ARHGAP25: variants seen among roughly 807,000 people sequenced by gnomAD.
ARHGAP25 encodes the protein rho GTPase-activating protein 25.
A neutral mutation model predicts 71.0 loss-of-function variants in ARHGAP25; 34 were observed. That is an observed-to-expected ratio of 0.48 (90% CI 0.36 to 0.64). The LOEUF (loss-of-function observed/expected upper bound fraction) is 0.64, where lower values mean the gene tolerates loss of function less well. ARHGAP25 is among the 30% of genes least tolerant of loss of function. The pLI is 0.00. For synonymous variants in ARHGAP25, 282 were observed against 296.5 expected (o/e 0.95, Z 0.50); for missense variants, 706 against 805.1 (o/e 0.88, Z 1.49).
At chr2:68,777,164 G>A (rs1419404460) in intron 2 of ARHGAP25, among the ~76,000 whole-genome samples, 4 of 152,156 alleles carry the variant, frequency 2.6e-5, no homozygotes, top group East Asian at 3.9e-4. Context: ...ATGTTAAGAC[G>A]ATGGAGGAAG....
chr2:68,733,582 G>A (rs1675083103), upstream of ARHGAP25, among the ~76,000 whole-genome samples: 1 of 152,152 alleles, frequency 6.6e-6, no homozygotes, highest in Non-Finnish European at 1.5e-5. Context: ...GGATGGGAGA[G>A]TGTTAACAGC....
intron 2 of ARHGAP25, among the ~76,000 whole-genome samples, chr2:68,722,745 C>A (rs767467577): frequency 1.3e-5 from 2 of 152,184 alleles, no homozygotes; most frequent in African/African-American, 4.8e-5. Flanking sequence ...ATGTCTCACC[C>A]TAGCTCAGGC....
Position 68,782,301 on chromosome 2 carries a change from T to C in ARHGAP25, c.330T>C (p.Phe110=). Residue 110 remains phenylalanine, a synonymous_variant, in exon 3 of 11, where the codon TTT becomes TTC. Transcript: ENST00000409202. ...CAAACCCAGAAGAAGCTGGGAAGTT[T>C]GTCTTTGAAATCATTCCAGGTAGGC... ...IATNPEEAGK[F]VFEIIPASWD... is the part of the protein sequence containing the mutation. The C allele has an allele frequency of 6.2e-7, 1 of 1,614,140 alleles. No homozygotes were observed. Among genetic ancestry groups the C allele is most frequent in the East Asian group, 2.2e-5 (1 of 44,878 alleles).
At position 68,809,310 on chromosome 2, in the gene ARHGAP25, A is replaced by G. The variant is rs77462781; in HGVS notation, c.674+1830A>G. Reference sequence around the variant, plus strand: ...GGGCAGAGCATAGAATGCCGGATGCATAGGGTAGGGAAAGGAGGGGAGGGG... The same window carrying G: ...GGGCAGAGCATAGAATGCCGGATGCGTAGGGTAGGGAAAGGAGGGGAGGGG... On this transcript the variant is annotated intron_variant, in intron 5 of 10. Transcript: ENST00000409202. Among the ~76,000 whole-genome samples the G allele has an allele frequency of 3.8e-3, 571 of 152,194 alleles. 3 individuals carry two copies. The highest frequency in any genetic ancestry group is 0.013 in the African/African-American group (548 of 41,522).
chr2:68,782,644 T>TA (rs1678422257), intron 3 of ARHGAP25, among the ~76,000 whole-genome samples: 1 of 152,206 alleles, frequency 6.6e-6, no homozygotes, highest in African/African-American at 2.4e-5. Flanking sequence ...CTCTACTCAC[T>TA]AAAATGAACT....
intron 2 of ARHGAP25, among the ~76,000 whole-genome samples, chr2:68,712,316 T>C (rs989696235): frequency 9.9e-5 from 15 of 152,246 alleles, no homozygotes; most frequent in African/African-American, 3.4e-4. Flanking sequence ...ATGTCTTCTT[T>C]TGATAAGTGT....
intron 6 of ARHGAP25, among the ~76,000 whole-genome samples, chr2:68,815,443 CTTTTTTTTTTTTTTT>C (rs796100406): frequency 1.6e-4 from 10 of 62,332 alleles, no homozygotes; most frequent in Admixed American, 4.5e-4. Flanking sequence ...TGTGTACTCT[CTTTTTTTTTTTTTTT>C]TTTTTTTTTT....
intron 1 of ARHGAP25, among the ~76,000 whole-genome samples, chr2:68,765,458 G>A (rs1677067085): frequency 6.6e-6 from 1 of 151,496 alleles, no homozygotes; most frequent in Non-Finnish European, 1.5e-5. Flanking sequence ...AAACACAACA[G>A]AGAAAATATA....
At chr2:68,737,470 A>G (rs1255998512) in intron 1 of ARHGAP25, among the ~76,000 whole-genome samples, 2 of 152,134 alleles carry the variant, frequency 1.3e-5, no homozygotes, top group Non-Finnish European at 2.9e-5. Flanking sequence ...GTTTAGCAGA[A>G]TCCTTGGCCT....
chr2:68,775,389 A>C lies in ARHGAP25; in HGVS notation c.230A>C (p.Tyr77Ser), dbSNP rs1409474476. Reference protein sequence around the residue: ...YFVLRAQQLYYYKDEEDTKPQ... With the variant: ...YFVLRAQQLYSYKDEEDTKPQ... Reference sequence around the variant, plus strand: ...GTGCTGAGGGCGCAGCAGCTCTACTACTACAAGGATGAAGAGGACACGAAG... The same window carrying C: ...GTGCTGAGGGCGCAGCAGCTCTACTCCTACAAGGATGAAGAGGACACGAAG... Residue 77 changes from tyrosine (Y) to serine (S), a missense_variant, in exon 2 of 11, where the codon TAC becomes TCC. By Grantham distance (144) the Tyr-to-Ser change is moderately radical (BLOSUM62 -2). Coordinates refer to ENST00000409202, the MANE Select transcript of ARHGAP25 (RefSeq NM_001007231.3). The C allele has an allele frequency of 6.2e-7, 1 of 1,614,092 alleles. No individual in the cohort carries two copies. Among genetic ancestry groups the C allele is most frequent in the African/African-American group, 1.3e-5 (1 of 74,926 alleles).
At chr2:68,803,430 G>A (rs1680152900) in intron 4 of ARHGAP25, among the ~76,000 whole-genome samples, 1 of 152,100 alleles carries the variant, frequency 6.6e-6, no homozygotes, top group South Asian at 2.1e-4. Context: ...TGGGTTGAGA[G>A]GCTGAGTAGT....
At chr2:68,803,192 G>A (rs1198293112) in intron 4 of ARHGAP25, among the ~76,000 whole-genome samples, 1 of 152,184 alleles carries the variant, frequency 6.6e-6, no homozygotes, top group Non-Finnish European at 1.5e-5. Flanking sequence ...GGAAGATGGA[G>A]CACAGTCAAA....
intron 5 of ARHGAP25, among the ~76,000 whole-genome samples, chr2:68,809,686 A>C (rs1680636552): frequency 6.6e-6 from 1 of 152,140 alleles, no homozygotes; most frequent in Non-Finnish European, 1.5e-5. Flanking sequence ...AGTGGGTGGA[A>C]GAAGGGGTAT....
chr2:68,722,036 C>T (rs1007568101), intron 2 of ARHGAP25, among the ~76,000 whole-genome samples: 2 of 152,216 alleles, frequency 1.3e-5, no homozygotes, highest in Non-Finnish European at 2.9e-5. Flanking sequence ...GAATTGGTCA[C>T]CACCCTCAGC....
At position 68,813,478 on chromosome 2, in the gene ARHGAP25, C is replaced by G. The variant is rs116209157; in HGVS notation, c.807+59C>G. The G allele has an allele frequency of 8.5e-4, 1,329 of 1,570,834 alleles. 10 individuals carry two copies. In the African/African-American group the frequency reaches 0.016, roughly 19 times the overall value. Reference sequence around the variant, plus strand: ...AAGAAAGTGATTGGTTTTCTGGACACTAATCCAGTAGGCAACAGTGGGTCA... The same window carrying G: ...AAGAAAGTGATTGGTTTTCTGGACAGTAATCCAGTAGGCAACAGTGGGTCA... On this transcript the variant is annotated intron_variant, in intron 6 of 10. Transcript: ENST00000409202.
At chr2:68,798,883 G>A (rs1386469828) in intron 4 of ARHGAP25, among the ~76,000 whole-genome samples, 2 of 152,310 alleles carry the variant, frequency 1.3e-5, no homozygotes, top group South Asian at 4.1e-4. Context: ...TGTTAAGGAT[G>A]TTGGTCTTCA....
rs754226541 is a variant in ARHGAP25 at position 68,787,917 on chromosome 2, G to A, written c.427G>A (p.Val143Ile). Residue 143 changes from valine to isoleucine, a missense_variant, in exon 4 of 11, where the codon GTT becomes ATT. By Grantham distance (29) the Val-to-Ile change is conservative (BLOSUM62 3). Coordinates refer to ENST00000409202, the MANE Select transcript of ARHGAP25 (RefSeq NM_001007231.3). The stretch of plus-strand genomic sequence containing the variant: ...CTCTCAGGCGGAGATGGAGGAGTGG[G>A]TTAAATTCCTCAGGAGAGTTGCTGG... ...ASSQAEMEEWVKFLRRVAGTP... is the reference protein window; with the variant it reads ...ASSQAEMEEWIKFLRRVAGTP... 1.9e-6 allele frequency: 3 copies of A among 1,614,222 alleles called. No homozygotes were observed. Among genetic ancestry groups the A allele is most frequent in the Non-Finnish European group, 2.5e-6 (3 of 1,180,026 alleles).
At position 68,826,720 on chromosome 2, in the gene ARHGAP25, C is replaced by T. The variant is rs967459427; in HGVS notation, c.*526C>T. 11 of 185,706 alleles carry T rather than the reference C, an allele frequency of 5.9e-5. No individual in the cohort carries two copies. The highest frequency in any genetic ancestry group is 2.6e-4 in the African/African-American group (11 of 42,320). The allele number at this position is 185,706 out of a possible 1,614,324, so 11.5% of individuals were successfully genotyped here. ...CCACCCCACCAGGATGCCCATTCTC[C>T]AGGACTTCTCCAACTTACTATTAGA... On this transcript the variant is annotated 3_prime_UTR_variant, in exon 11 of 11. Coordinates refer to ENST00000409202, the MANE Select transcript of ARHGAP25 (RefSeq NM_001007231.3).
intron 8 of ARHGAP25, among the ~76,000 whole-genome samples, 185 bp downstream of exon 8, chr2:68,818,179 C>T (rs1483677133): frequency 6.6e-6 from 1 of 152,174 alleles, no homozygotes; most frequent in African/African-American, 2.4e-5. Flanking sequence ...CAGATCACAA[C>T]AAAGGACAGA....
Sources: allele counts gnomAD v4.1 joint callset (sites outside exome capture counted in the v4.1 genomes callset), GRCh38; gene constraint gnomAD v4.1.1; transcripts MANE v1.5; gene names NCBI Gene and HGNC (gene_info 2026-07-23, HGNC 2026-07-21).